PRKRA: variants seen among roughly 807,000 people sequenced by gnomAD.
The protein encoded by PRKRA is protein activator of interferon induced protein kinase EIF2AK2.
PRKRA carries 22 observed loss-of-function variants against 32.4 expected under a neutral mutation model. The observed-to-expected ratio is 0.68, with a 90% CI of 0.49 to 0.97. The LOEUF (loss-of-function observed/expected upper bound fraction) is 0.97, where lower values mean the gene tolerates loss of function less well. PRKRA is among the 50% of genes least tolerant of loss of function. The pLI is 0.00. For synonymous variants in PRKRA, 139 were observed against 129.8 expected, an observed-to-expected ratio of 1.07 and a Z score of -0.48; for missense variants, 319 against 375.6, an observed-to-expected ratio of 0.85 and a Z score of 1.25.
intron 5 of PRKRA, among the ~76,000 whole-genome samples, chr2:178,441,981 G>A (rs1416059263): frequency 2.0e-5 from 3 of 151,522 alleles, no homozygotes; most frequent in Admixed American, 2.0e-4. Context: ...CGCCTCCTGG[G>A]TTCAAGCAAT....
Position 178,447,935 on chromosome 2 carries a change from A to C in PRKRA, c.236-349T>G, listed in dbSNP as rs141426364. ...GTGTCACACCTCTGAAGAAATGCAG[A>C]TTAGTATTTTACTCTTCCTTTATTC... On this transcript the variant is annotated intron_variant, in intron 2 of 7. Coordinates refer to ENST00000325748, the MANE Select transcript of PRKRA (RefSeq NM_003690.5). Among the ~76,000 whole-genome samples, 221 of 152,364 alleles carry C rather than the reference A, an allele frequency of 1.5e-3. 5 individuals carry two copies. In the South Asian group the frequency reaches 0.022, roughly 15 times the overall value.
chr2:178,437,735 T>A (rs1696956361), intron 6 of PRKRA, among the ~76,000 whole-genome samples: 1 of 152,254 alleles, frequency 6.6e-6, no homozygotes, highest in Non-Finnish European at 1.5e-5. Flanking sequence ...ATTATCAAAT[T>A]TTGTAGTTTT....
chr2:178,446,360 A>G (rs1160046224), intron 3 of PRKRA, among the ~76,000 whole-genome samples: 1 of 152,234 alleles, frequency 6.6e-6, no homozygotes, highest in African/African-American at 2.4e-5. Flanking sequence ...ATCAAGCATC[A>G]TCTTGTGAAA....
Position 178,431,629 on chromosome 2 carries a change from G to A in PRKRA, c.*468C>T, listed in dbSNP as rs879655414. The stretch of plus-strand genomic sequence containing the variant: ...GTTACATGAATTCAAATACACAGCA[G>A]ACCAATCATGTTCCCTGAAATTTAA... On this transcript the variant is annotated 3_prime_UTR_variant, in exon 8 of 8. Coordinates refer to ENST00000325748, the MANE Select transcript of PRKRA (RefSeq NM_003690.5). 5 of 191,368 alleles carry A rather than the reference G, an allele frequency of 2.6e-5. No homozygotes were observed. Among genetic ancestry groups the A allele is most frequent in the Non-Finnish European group, 5.5e-5 (5 of 90,530 alleles). 11.9% of individuals were successfully genotyped at this position (191,368 alleles called of 1,614,324 possible). A position where few individuals can be genotyped will look rare whatever the true frequency, so the allele number is the denominator to read the frequency against.
chr2:178,440,468 G>A (rs1372029504), intron 6 of PRKRA, among the ~76,000 whole-genome samples: 3 of 152,082 alleles, frequency 2.0e-5, no homozygotes, highest in Non-Finnish European at 4.4e-5. Context: ...TCAGCTACTC[G>A]ATATATTCAC....
chr2:178,436,993 A>C (rs1200771704), intron 6 of PRKRA, among the ~76,000 whole-genome samples: 2 of 151,938 alleles, frequency 1.3e-5, no homozygotes, highest in Admixed American at 6.6e-5. Context: ...TTTCCATATT[A>C]GTTTATGGTT....
At chr2:178,436,773 GA>G (rs939862249) in intron 6 of PRKRA, among the ~76,000 whole-genome samples, 4 of 149,220 alleles carry the variant, frequency 2.7e-5, no homozygotes, top group African/African-American at 7.4e-5. Flanking sequence ...AAAAAAAACA[GA>G]AAAAAAAACT....
intron 3 of PRKRA, 117 bp from the exon 4 acceptor site, chr2:178,444,617 G>T (rs1697248347): frequency 3.6e-6 from 3 of 832,294 alleles, no homozygotes; most frequent in East Asian, 2.7e-5. Flanking sequence ...CCTTCTACAT[G>T]GAATGCCCTT....
chr2:178,450,297 T>C lies in PRKRA; in HGVS notation c.180A>G (p.Gln60=), dbSNP rs775966438. The part of the protein sequence containing the change: ...PVYECERSDV[Q]IHVPTFTFRV... Reference sequence around the variant, plus strand: ...TGAAGGTGAAAGTGGGCACGTGTATTTGCACATCAGATCTTTCACATTCAT... The same window carrying C: ...TGAAGGTGAAAGTGGGCACGTGTATCTGCACATCAGATCTTTCACATTCAT... Residue 60 remains glutamine (Q), a synonymous_variant, in exon 2 of 8, where the codon CAA becomes CAG. Coordinates refer to ENST00000325748, the MANE Select transcript of PRKRA (RefSeq NM_003690.5). The C allele has an allele frequency of 7.4e-6, 12 of 1,614,276 alleles. No homozygotes were observed. Among genetic ancestry groups the C allele is most frequent in the Admixed American group, 5.0e-5 (3 of 60,036 alleles).
Position 178,443,247 on chromosome 2 carries a change from T to C in PRKRA, c.514+20A>G. 2.8e-6 allele frequency: 2 copies of C among 714,658 alleles called. No homozygotes were observed. Among genetic ancestry groups the C allele is most frequent in the Non-Finnish European group, 2.1e-6 (1 of 485,124 alleles). The allele number at this position is 714,658 out of a possible 1,614,324, so 44.3% of individuals were successfully genotyped here. On this transcript the variant is annotated intron_variant, in intron 5 of 7. Transcript: ENST00000325748. ...CATCTGAAAATATTTCAAATGCCTT[T>C]AATTGTAAGAAATAAGTACCAGTTT...
At chr2:178,436,054 A>T (rs1367306348) in intron 7 of PRKRA, 91 bp downstream of exon 7, 1 of 902,968 alleles carries the variant, frequency 1.1e-6, no homozygotes, top group Non-Finnish European at 1.5e-6. Flanking sequence ...AAATTGTAAT[A>T]GAAATTTTTA....
Position 178,436,274 on chromosome 2 carries a change from T to G in PRKRA, c.655A>C (p.Arg219=). The G allele has an allele frequency of 6.2e-7, 1 of 1,613,976 alleles. No homozygotes were observed. Among genetic ancestry groups the G allele is most frequent in the African/African-American group, 1.3e-5 (1 of 75,056 alleles). Residue 219 remains arginine (R), a synonymous_variant, in exon 7 of 8, where the codon AGG becomes CGG. Transcript: ENST00000325748. ...HSLGCTWHSL[R]NSPGEKINLL... Reference sequence around the variant, plus strand: ...TTGATCTTTTCACCAGGAGAATTCCTCAAGGAATGCCAAGTACATCCTAAA... The same window carrying G: ...TTGATCTTTTCACCAGGAGAATTCCGCAAGGAATGCCAAGTACATCCTAAA...
At chr2:178,444,260 G>A (rs1223603108) in intron 4 of PRKRA, among the ~76,000 whole-genome samples, 162 bp downstream of exon 4, 2 of 152,096 alleles carry the variant, frequency 1.3e-5, no homozygotes, top group Admixed American at 1.3e-4. Flanking sequence ...AACATAAATA[G>A]GAAAATAATT....
intron 7 of PRKRA, among the ~76,000 whole-genome samples, chr2:178,434,475 C>T (rs915126497): frequency 2.0e-5 from 3 of 151,480 alleles, no homozygotes; most frequent in South Asian, 2.1e-4. Context: ...TGGAGAGCAG[C>T]GGCATGATCA....
Position 178,451,155 on chromosome 2 carries a change from C to T in PRKRA, c.-125G>A, listed in dbSNP as rs190533045. ...CCTCCTCCGACTCCCCCGCCTCCTG[C>T]TTGCGTTGCTCCAGCGAGGGGGCAG... On this transcript the variant is annotated 5_prime_UTR_variant, in exon 1 of 8. Coordinates refer to ENST00000325748, the MANE Select transcript of PRKRA (RefSeq NM_003690.5). 9.7e-4 allele frequency: 1,146 copies of T among 1,176,704 alleles called. 1 individual carries two copies. Among genetic ancestry groups the T allele is most frequent in the Non-Finnish European group, 1.3e-3 (1,082 of 855,870 alleles). 72.9% of individuals were successfully genotyped at this position (1,176,704 alleles called of 1,614,324 possible).
chr2:178,447,333 G>A, intron 3 of PRKRA, 172 bp downstream of exon 3: 1 of 1,166,970 alleles, frequency 8.6e-7, no homozygotes, highest in Non-Finnish European at 1.2e-6. Flanking sequence ...TGCTGGATTT[G>A]ATTGGATAAA....
At chr2:178,449,511 A>G (rs1697458770) in intron 2 of PRKRA, among the ~76,000 whole-genome samples, 1 of 152,240 alleles carries the variant, frequency 6.6e-6, no homozygotes, top group Admixed American at 6.5e-5. Context: ...AAATAGATAC[A>G]TAAGAAAAAT....
At chr2:178,441,811 AT>A in intron 5 of PRKRA, 107 bp from the exon 6 acceptor site, 2 of 886,012 alleles carry the variant, frequency 2.3e-6, no homozygotes, top group African/African-American at 1.7e-5. Flanking sequence ...CACGGTTTTT[AT>A]TATATACTAG....
chr2:178,450,643 G>A (rs543230704), intron 1 of PRKRA: 2 of 1,442,358 alleles, frequency 1.4e-6, no homozygotes, highest in African/African-American at 1.4e-5. Context: ...ACTTGAATGC[G>A]GGTAGGAGAG....
Sources: allele counts gnomAD v4.1 joint callset (sites outside exome capture counted in the v4.1 genomes callset), GRCh38; gene constraint gnomAD v4.1.1; transcripts MANE v1.5; gene names NCBI Gene and HGNC (gene_info 2026-07-23, HGNC 2026-07-21).